CHLSN: variants seen among roughly 807,000 people sequenced by gnomAD.
The protein encoded by CHLSN is cholesin.
At chr7:1,042,522 G>C in the CHLSN span, among the ~76,000 whole-genome samples, 1 of 152,180 alleles carries the variant, frequency 6.6e-6, no homozygotes, top group Non-Finnish European at 1.5e-5. Flanking sequence ...ACTTATTGTG[G>C]TTCAGGTGGA....
the CHLSN span, among the ~76,000 whole-genome samples, chr7:1,013,830 T>C: frequency 6.6e-6 from 1 of 152,204 alleles, no homozygotes; most frequent in Non-Finnish European, 1.5e-5. Flanking sequence ...CTTGATGAAA[T>C]ACAGACACTC....
At chr7:1,001,569 G>GA in the CHLSN span, among the ~76,000 whole-genome samples, 4 of 142,138 alleles carry the variant, frequency 2.8e-5, no homozygotes, top group African/African-American at 8.0e-5. Context: ...CCCTGTGGGT[G>GA]GGGAGTCCTG....
At chr7:1,059,605 G>T in the CHLSN span, among the ~76,000 whole-genome samples, 1 of 137,856 alleles carries the variant, frequency 7.3e-6, no homozygotes, top group Non-Finnish European at 1.6e-5. Flanking sequence ...GAGTGGGGCG[G>T]GTCAGTAGGT....
At chr7:1,086,750 A>AG in the CHLSN span, 1,073 of 153,788 alleles carry the variant, frequency 7.0e-3, 12 homozygotes, top group Middle Eastern at 0.02. Flanking sequence ...CCTGGGGGGG[A>AG]GGGGGAAGGG....
At chr7:1,128,687 C>CCT in the CHLSN span, among the ~76,000 whole-genome samples, 1 of 27,350 alleles carries the variant, frequency 3.7e-5, no homozygotes, top group Non-Finnish European at 6.1e-5. Flanking sequence ...CTCATCCCAC[C>CCT]GTCACCCGGG....
the CHLSN span, chr7:1,091,885 C>T: frequency 6.2e-7 from 1 of 1,613,964 alleles, no homozygotes; most frequent in Non-Finnish European, 8.5e-7. Context: ...CTCGGAGCAC[C>T]AGCAGTACGT....
chr7:998,530 C>T, the CHLSN span, among the ~76,000 whole-genome samples: 2 of 148,550 alleles, frequency 1.3e-5, no homozygotes, highest in African/African-American at 5.0e-5. Flanking sequence ...GCACGATCTC[C>T]ACCTCCCAGG....
chr7:1,118,278 G>T, the CHLSN span, among the ~76,000 whole-genome samples: 1 of 152,128 alleles, frequency 6.6e-6, no homozygotes, highest in Non-Finnish European at 1.5e-5. Context: ...AACAAAGACG[G>T]CATGAACACG....
the CHLSN span, among the ~76,000 whole-genome samples, chr7:1,023,746 C>A: frequency 6.6e-6 from 1 of 152,032 alleles, no homozygotes; most frequent in East Asian, 1.9e-4. The surrounding 1 kb of genome is among the most constrained non-coding windows in gnomAD (Gnocchi z 5.0). Flanking sequence ...GGGTGAGGAT[C>A]TCCAGGGGTG....
At chr7:1,047,212 C>T in the CHLSN span, among the ~76,000 whole-genome samples, 4 of 152,216 alleles carry the variant, frequency 2.6e-5, no homozygotes, top group Non-Finnish European at 4.4e-5. Context: ...GTGCCCAGCC[C>T]GCTCACTGGC....
chr7:1,045,600 G>A, the CHLSN span: 5 of 152,192 alleles, frequency 3.3e-5, no homozygotes, highest in Non-Finnish European at 5.9e-5. Context: ...CCTAACTGGG[G>A]CACCGTTGAG....
chr7:1,039,101 A>G, the CHLSN span, among the ~76,000 whole-genome samples: 2 of 61,274 alleles, frequency 3.3e-5, no homozygotes, highest in Admixed American at 1.5e-4. Flanking sequence ...CCCGTCCGGG[A>G]GGTGAGGGGC....
the CHLSN span, among the ~76,000 whole-genome samples, chr7:1,113,338 C>A: frequency 6.6e-6 from 1 of 152,206 alleles, no homozygotes; most frequent in Admixed American, 6.5e-5. Flanking sequence ...TGTCCCCCAG[C>A]AACCAATGCC....
the CHLSN span, among the ~76,000 whole-genome samples, chr7:1,051,811 A>C: frequency 6.6e-6 from 1 of 152,184 alleles, no homozygotes; most frequent in African/African-American, 2.4e-5. Context: ...CTGTCTCAAA[A>C]AACGTTAAAT....
the CHLSN span, chr7:986,304 T>C: frequency 2.7e-6 from 1 of 370,904 alleles, no homozygotes; most frequent in Non-Finnish European, 5.0e-6. Flanking sequence ...AGGTCTGCTC[T>C]GTCTTCCATT....
the CHLSN span, among the ~76,000 whole-genome samples, chr7:1,103,129 C>T: frequency 1.3e-5 from 2 of 152,218 alleles, no homozygotes; most frequent in Admixed American, 6.5e-5. Context: ...CCGGGAGGCG[C>T]GGGTGCAGCC....
At chr7:1,027,596 C>T in the CHLSN span, among the ~76,000 whole-genome samples, 3 of 152,262 alleles carry the variant, frequency 2.0e-5, no homozygotes, top group African/African-American at 7.2e-5. Context: ...CCGCCGTCCT[C>T]AGGAAGGCTC....
At chr7:1,130,096 G>A in the CHLSN span, among the ~76,000 whole-genome samples, 1 of 152,300 alleles carries the variant, frequency 6.6e-6, no homozygotes, top group East Asian at 1.9e-4. Flanking sequence ...TCCTCTGAGT[G>A]GGCAAGGAGC....
At chr7:1,042,620 T>A in the CHLSN span, among the ~76,000 whole-genome samples, 2 of 152,094 alleles carry the variant, frequency 1.3e-5, no homozygotes, top group Non-Finnish European at 2.9e-5. Context: ...GCACAGGAAG[T>A]CTCTGCAGAT....
Sources: gnomAD v4.1 joint callset for allele counts (sites outside exome capture counted in the v4.1 genomes callset) on GRCh38, gnomAD v4.1.1 for gene constraint, Gnocchi (gnomAD v3.1) non-coding constraint, MANE v1.5 for transcripts, NCBI Gene and HGNC (gene_info 2026-07-23, HGNC 2026-07-21) for gene names.